Variants in CHLSN observed in about 807,000 individuals in gnomAD.
The protein encoded by CHLSN is protein cholesin.
chr7:993,942 G>C, the CHLSN span, among the ~76,000 whole-genome samples: 2 of 151,804 alleles, frequency 1.3e-5, no homozygotes, highest in African/African-American at 2.4e-5. Context: ...CGCTTCCTCA[G>C]AGGGCTGGGT....
At chr7:1,019,207 AAAAAC>A in the CHLSN span, among the ~76,000 whole-genome samples, 1 of 85,168 alleles carries the variant, frequency 1.2e-5, no homozygotes. Flanking sequence ...AAAAAAAAAA[AAAAAC>A]GGGGGGGGGG....
the CHLSN span, among the ~76,000 whole-genome samples, chr7:1,111,840 G>C: frequency 1.8e-4 from 28 of 152,164 alleles, 2 homozygotes; most frequent in South Asian, 5.8e-3. Flanking sequence ...CTCGGGGCGG[G>C]TGACACTGAG....
At chr7:1,093,550 C>T in the CHLSN span, 5 of 471,042 alleles carry the variant, frequency 1.1e-5, no homozygotes, top group Admixed American at 4.7e-5. Flanking sequence ...CCGTCTGCTC[C>T]GGGGTGGTTC....
At chr7:989,925 T>C in the CHLSN span, among the ~76,000 whole-genome samples, 1 of 128,810 alleles carries the variant, frequency 7.8e-6, no homozygotes, top group Non-Finnish European at 1.6e-5. Context: ...TGGTCGGCAG[T>C]GTGAGTGGCA....
At chr7:1,028,387 G>A in the CHLSN span, 82 of 987,504 alleles carry the variant, frequency 8.3e-5, no homozygotes, top group Non-Finnish European at 9.4e-5. Context: ...CGGCCGGCCC[G>A]GCGCGGCTGG....
At chr7:1,065,829 C>T in the CHLSN span, among the ~76,000 whole-genome samples, 1 of 152,234 alleles carries the variant, frequency 6.6e-6, no homozygotes, top group Non-Finnish European at 1.5e-5. Flanking sequence ...CTTCAGGACA[C>T]GCAGTAAGAT....
chr7:1,017,172 C>G, the CHLSN span, among the ~76,000 whole-genome samples: 1 of 152,214 alleles, frequency 6.6e-6, no homozygotes, highest in Non-Finnish European at 1.5e-5. Context: ...GCCTCTGGCC[C>G]CAGGCTCAGG....
chr7:992,652 C>G, the CHLSN span, among the ~76,000 whole-genome samples: 3 of 152,264 alleles, frequency 2.0e-5, no homozygotes, highest in South Asian at 6.2e-4. Context: ...TTCTGGAACC[C>G]AGAGGCTGGA....
At chr7:1,065,095 G>A in the CHLSN span, among the ~76,000 whole-genome samples, 3 of 152,204 alleles carry the variant, frequency 2.0e-5, no homozygotes, top group Non-Finnish European at 2.9e-5. Flanking sequence ...CTGGGCAGGA[G>A]GAAACATGGC....
the CHLSN span, among the ~76,000 whole-genome samples, chr7:1,047,152 T>G: frequency 6.6e-6 from 1 of 152,264 alleles, no homozygotes; most frequent in Non-Finnish European, 1.5e-5. Context: ...AACAAAAGAA[T>G]GCTGTTCCAC....
At chr7:986,984 G>A in the CHLSN span, 6 of 1,368,000 alleles carry the variant, frequency 4.4e-6, no homozygotes, top group Non-Finnish European at 4.8e-6. Flanking sequence ...CCTCGGGGAC[G>A]CTGAGGGATG....
At chr7:998,347 T>C in the CHLSN span, among the ~76,000 whole-genome samples, 3 of 152,188 alleles carry the variant, frequency 2.0e-5, no homozygotes, top group African/African-American at 4.8e-5. Context: ...CTCTTTTTAT[T>C]ATTGAGTTAG....
the CHLSN span, among the ~76,000 whole-genome samples, chr7:980,159 G>A: frequency 1.3e-5 from 2 of 152,228 alleles, no homozygotes; most frequent in African/African-American, 2.4e-5. Context: ...GACAGGTGCG[G>A]GCCTGAGTTT....
chr7:1,055,146 G>C, the CHLSN span: 4 of 434,016 alleles, frequency 9.2e-6, no homozygotes, highest in South Asian at 6.8e-5. Flanking sequence ...CAAGAGGCCA[G>C]CTGTGCTCAG....
the CHLSN span, among the ~76,000 whole-genome samples, chr7:1,112,805 G>A: frequency 3.3e-5 from 5 of 152,008 alleles, no homozygotes; most frequent in Admixed American, 1.3e-4. Context: ...AAAACGGCAC[G>A]GCCACTCTGG....
chr7:994,545 G>T, the CHLSN span, among the ~76,000 whole-genome samples: 1 of 152,118 alleles, frequency 6.6e-6, no homozygotes, highest in Non-Finnish European at 1.5e-5. Flanking sequence ...CCGAGCTCAA[G>T]CCATCCTCCC....
chr7:997,634 C>G, the CHLSN span: 3 of 1,604,840 alleles, frequency 1.9e-6, no homozygotes, highest in Non-Finnish European at 1.7e-6. Context: ...ACTAGGAGAG[C>G]AGCTGCAGCA....
chr7:984,833 G>A, the CHLSN span: 53 of 1,376,348 alleles, frequency 3.9e-5, no homozygotes, highest in Non-Finnish European at 5.1e-5. Context: ...GTGGGGATGG[G>A]GGTGAGGGCC....
chr7:1,104,012 G>A, the CHLSN span, among the ~76,000 whole-genome samples: 1 of 152,230 alleles, frequency 6.6e-6, no homozygotes, highest in Admixed American at 6.5e-5. Context: ...TGGGATCTCG[G>A]TGCCACCTAA....
Sources: allele counts gnomAD v4.1 joint callset (sites outside exome capture counted in the v4.1 genomes callset), GRCh38; gene constraint gnomAD v4.1.1; transcripts MANE v1.5; gene names NCBI Gene and HGNC (gene_info 2026-07-23, HGNC 2026-07-21).